BRI3: variants seen among roughly 807,000 people sequenced by gnomAD.
BRI3 encodes the protein brain protein I3.
A neutral mutation model predicts 12.8 loss-of-function variants in BRI3; 6 were observed. That is an observed-to-expected ratio of 0.47 (90% CI 0.26 to 0.93). The LOEUF (loss-of-function observed/expected upper bound fraction) is 0.93, where lower values mean the gene tolerates loss of function less well. Ranked by LOEUF, BRI3 falls within the 40% of genes least tolerant of loss-of-function variation. The pLI, the probability that BRI3 is intolerant of heterozygous loss-of-function variation, is 0.15. For missense variants in BRI3, 134 were observed against 171.1 expected (o/e 0.78, Z 1.21); for synonymous variants, 91 against 76.1 (o/e 1.20, Z -1.02).
downstream of BRI3, chr7:98,294,198 GC>G (rs1800089646): frequency 7.0e-7 from 1 of 1,438,072 alleles, no homozygotes; most frequent in Non-Finnish European, 9.7e-7. Flanking sequence ...TTGCTATGTT[GC>G]CCAGGCTGGT....
intron 1 of BRI3, among the ~76,000 whole-genome samples, chr7:98,298,042 G>A (rs1044741549): frequency 1.3e-5 from 2 of 151,728 alleles, no homozygotes; most frequent in Admixed American, 6.6e-5. Flanking sequence ...ACCAGCCTGG[G>A]CAACATAACA....
chr7:98,316,240 G>A, the BRI3 span, among the ~76,000 whole-genome samples: 16 of 152,080 alleles, frequency 1.1e-4, no homozygotes, highest in Admixed American at 2.6e-4. Context: ...AGGCCTCCCC[G>A]GCCATGTGGA....
At chr7:98,294,072 A>T, downstream of BRI3, 1 of 1,614,038 alleles carries the variant, frequency 6.2e-7, no homozygotes, top group Non-Finnish European at 8.5e-7. Context: ...AGCCACGCCT[A>T]CCTGAGAAAA....
At chr7:98,301,637 CAGAA>C (rs538346506), upstream of BRI3, among the ~76,000 whole-genome samples, 230 of 152,124 alleles carry the variant, frequency 1.5e-3, 1 homozygote, top group African/African-American at 4.4e-3. Flanking sequence ...GCTTTCAAGA[CAGAA>C]AGGGGGAACC....
chr7:98,315,493 G>T, the BRI3 span: 1 of 1,510,252 alleles, frequency 6.6e-7, no homozygotes, highest in Non-Finnish European at 8.9e-7. Context: ...GGTTTGCAAA[G>T]CCACAGTGCT....
At chr7:98,304,058 C>CCCCTCCT (rs1284557111), upstream of BRI3, 1 of 869,074 alleles carries the variant, frequency 1.2e-6, no homozygotes, top group South Asian at 2.2e-5. Context: ...GGCAGCAAGT[C>CCCCTCCT]CCCTCCTCCC....
At chr7:98,321,534 G>A in the BRI3 span, among the ~76,000 whole-genome samples, 115 of 152,182 alleles carry the variant, frequency 7.6e-4, 1 homozygote, top group Non-Finnish European at 2.9e-4. Context: ...CAGCAATCAC[G>A]CCCCCGGGTT....
chr7:98,305,143 G>C (rs1419891075), upstream of BRI3, among the ~76,000 whole-genome samples: 2 of 141,824 alleles, frequency 1.4e-5, no homozygotes, highest in Admixed American at 7.5e-5. Context: ...TGCCCGCCTC[G>C]GCCTCCCAAA....
At chr7:98,308,553 A>G in exon 2 of BRI3, 1 of 344,452 alleles carries the variant, frequency 2.9e-6, no homozygotes, top group Non-Finnish European at 5.8e-6. Flanking sequence ...GCCAGGAACC[A>G]GCTAGGGCAG....
chr7:98,292,811 C>T (rs1468352502), downstream of BRI3: 1 of 1,514,802 alleles, frequency 6.6e-7, no homozygotes. Flanking sequence ...GGCCTGTGTC[C>T]TGGATGGGCC....
downstream of BRI3, chr7:98,293,970 T>C: frequency 7.4e-7 from 1 of 1,350,100 alleles, no homozygotes; most frequent in Non-Finnish European, 1.0e-6. Flanking sequence ...CCGAGGCCTT[T>C]CTCAGGCTGG....
At chr7:98,321,298 G>A in the BRI3 span, among the ~76,000 whole-genome samples, 10 of 152,108 alleles carry the variant, frequency 6.6e-5, no homozygotes, top group East Asian at 1.9e-4. Flanking sequence ...TATTTTTATC[G>A]AATCCCCAGA....
At chr7:98,290,015 T>A (rs1277807103) in intron 2 of BRI3, among the ~76,000 whole-genome samples, 1 of 152,132 alleles carries the variant, frequency 6.6e-6, no homozygotes, top group Non-Finnish European at 1.5e-5. Flanking sequence ...AGACATTGTG[T>A]GAACATGGCC....
At chr7:98,312,105 TTC>T (rs1458640570), downstream of BRI3, 2 of 1,597,792 alleles carry the variant, frequency 1.3e-6, no homozygotes, top group Non-Finnish European at 1.7e-6. Context: ...ACCACATTGC[TTC>T]TCTCGATCAT....
chr7:98,312,745 TG>T (rs1312139725), downstream of BRI3, among the ~76,000 whole-genome samples: 24 of 76,086 alleles, frequency 3.2e-4, no homozygotes, highest in African/African-American at 1.1e-3. Context: ...AGTCTGTCTA[TG>T]GGGAAGAGGG....
chr7:98,294,150 T>C (rs780808006), downstream of BRI3: 4 of 1,606,928 alleles, frequency 2.5e-6, no homozygotes, highest in Non-Finnish European at 8.5e-7. Context: ...GGGCTTAGAA[T>C]TGGTCTTTTA....
At chr7:98,311,550 A>G (rs115617433), downstream of BRI3, among the ~76,000 whole-genome samples, 3,676 of 151,700 alleles carry the variant, frequency 0.024, 146 homozygotes, top group African/African-American at 0.084. Context: ...CAAAAACAAA[A>G]AAAATAAAAA....
At chr7:98,292,862 AAGG>A (rs2116764927), downstream of BRI3, 1 of 1,448,268 alleles carries the variant, frequency 6.9e-7, no homozygotes, top group South Asian at 1.5e-5. Flanking sequence ...CTACCAAGAA[AAGG>A]AGCTCTCGGA....
upstream of BRI3, among the ~76,000 whole-genome samples, chr7:98,305,054 T>TTG (rs1562966160): frequency 8.4e-6 from 1 of 118,920 alleles, no homozygotes; most frequent in Non-Finnish European, 1.7e-5. Context: ...TTTGTTTTTT[T>TTG]TTTTTTTTTT....
Sources: gnomAD v4.1 joint callset for allele counts (sites outside exome capture counted in the v4.1 genomes callset) on GRCh38, gnomAD v4.1.1 for gene constraint, MANE v1.5 for transcripts, NCBI Gene and HGNC (gene_info 2026-07-23, HGNC 2026-07-21) for gene names.